The following TM9SF3 variants were observed in gnomAD, a reference collection of about 807,000 sequenced individuals.
TM9SF3 encodes transmembrane 9 superfamily member 3.
Under a neutral mutation model 78.6 loss-of-function variants are expected in TM9SF3, and 14 were observed. The ratio of observed to expected loss-of-function variants is 0.18; its 90% CI spans 0.12 to 0.28. TM9SF3 has a LOEUF of 0.28. Among genes scored for constraint, TM9SF3 ranks in the 10% least tolerant of loss-of-function variants. The pLI is 1.00. For synonymous variants in TM9SF3, 231 were observed against 241.7 expected, an observed-to-expected ratio of 0.96 and a Z score of 0.41; for missense variants, 496 against 721.9, an observed-to-expected ratio of 0.69 and a Z score of 3.59.
intron 2 of TM9SF3, among the ~76,000 whole-genome samples, chr10:96,567,897 T>C (rs1371879322): frequency 2.6e-5 from 4 of 152,264 alleles, no homozygotes; most frequent in Admixed American, 1.3e-4. Flanking sequence ...TATACATGCA[T>C]CTGTGTATGA....
chr10:96,560,263 A>T, intron 4 of TM9SF3: 1 of 787,480 alleles, frequency 1.3e-6, no homozygotes, highest in Non-Finnish European at 2.2e-6. Flanking sequence ...AAAGGCCAAC[A>T]AAGATGATCA....
intron 2 of TM9SF3, among the ~76,000 whole-genome samples, chr10:96,575,443 C>T (rs1848485830): frequency 1.3e-5 from 2 of 148,854 alleles, no homozygotes; most frequent in South Asian, 4.2e-4. Flanking sequence ...ATAATTAAGC[C>T]CCAAAGACTA....
chr10:96,539,115 A>T (rs1426418589), intron 9 of TM9SF3, among the ~76,000 whole-genome samples: 1 of 152,238 alleles, frequency 6.6e-6, no homozygotes, highest in Non-Finnish European at 1.5e-5. Flanking sequence ...GCAAATGGAT[A>T]AATTATGGTA....
chr10:96,530,743 C>T, intron 10 of TM9SF3, 135 bp from the exon 11 acceptor site: 1 of 723,942 alleles, frequency 1.4e-6, no homozygotes, highest in South Asian at 2.3e-5. Flanking sequence ...AAATGAAAAG[C>T]CAAAACCCAA....
At chr10:96,564,284 A>G (rs1487194563) in intron 3 of TM9SF3, among the ~76,000 whole-genome samples, 1 of 152,164 alleles carries the variant, frequency 6.6e-6, no homozygotes, top group Non-Finnish European at 1.5e-5. Context: ...GGAAAACAAT[A>G]GGGAAGAAAC....
intron 9 of TM9SF3, among the ~76,000 whole-genome samples, chr10:96,540,575 T>C (rs571685901): frequency 2.6e-5 from 4 of 151,998 alleles, no homozygotes; most frequent in Non-Finnish European, 5.9e-5. Context: ...GGTTATATTT[T>C]ATTTGATGAA....
At chr10:96,569,365 G>T (rs2134155613) in intron 2 of TM9SF3, among the ~76,000 whole-genome samples, 1 of 152,254 alleles carries the variant, frequency 6.6e-6, no homozygotes, top group African/African-American at 2.4e-5. Context: ...GCTCTTGGTT[G>T]AACTATGCAT....
intron 9 of TM9SF3, among the ~76,000 whole-genome samples, chr10:96,540,619 T>G (rs1848014402): frequency 6.8e-6 from 1 of 146,592 alleles, no homozygotes; most frequent in South Asian, 2.1e-4. Flanking sequence ...GAGCCATTCT[T>G]TTTTTTTTTT....
intron 1 of TM9SF3, 113 bp downstream of exon 1, chr10:96,586,621 G>T: frequency 2.2e-6 from 2 of 899,492 alleles, no homozygotes; most frequent in Non-Finnish European, 2.9e-6. Flanking sequence ...AGGAGTCCTC[G>T]GGCCGCAGTG....
chr10:96,552,876 C>G, intron 6 of TM9SF3, 52 bp downstream of exon 6: 1 of 1,423,428 alleles, frequency 7.0e-7, no homozygotes, highest in Non-Finnish European at 9.2e-7. Flanking sequence ...ACATTTAAAA[C>G]TTAACACTCA....
chr10:96,586,780 AG>A lies in TM9SF3; in HGVS notation c.55del (p.Leu19CysfsTer27). 1 of 1,288,382 alleles carries A rather than the reference AG, an allele frequency of 7.8e-7. No homozygotes were observed. The highest frequency in any genetic ancestry group is 9.8e-7 in the Non-Finnish European group (1 of 1,016,126). The allele number at this position is 1,288,382 out of a possible 1,614,324, so 79.8% of individuals were successfully genotyped here. A position where few individuals can be genotyped will look rare whatever the true frequency, so the allele number is the denominator to read the frequency against. On this transcript the variant is annotated frameshift_variant, in exon 1 of 15. Coordinates refer to ENST00000371142, the MANE Select transcript of TM9SF3 (RefSeq NM_020123.4). LOFTEE classifies it high-confidence loss of function. ...GVAAAAALWL[L>X]LLLLPRTRAD... ...CCGGGTCCGGGGCAGCAGCAGCAGCAGCAGCCACAGCGCGGCGGCCGCCGCC... is the reference window on the plus strand; with the variant it reads ...CCGGGTCCGGGGCAGCAGCAGCAGCACAGCCACAGCGCGGCGGCCGCCGCC...
At chr10:96,532,981 A>T in intron 10 of TM9SF3, 70 bp downstream of exon 10, 1 of 1,544,894 alleles carries the variant, frequency 6.5e-7, no homozygotes, top group Admixed American at 1.9e-5. Context: ...CTAAAGTTAC[A>T]TGTACACAAC....
chr10:96,531,572 A>C (rs543186757), intron 10 of TM9SF3, among the ~76,000 whole-genome samples: 2 of 152,318 alleles, frequency 1.3e-5, no homozygotes, highest in African/African-American at 4.8e-5. Flanking sequence ...AAAACTTAAA[A>C]ATCATTTAAT....
At position 96,521,884 on chromosome 10, in the gene TM9SF3, T is replaced by A. The variant is rs1847779983; in HGVS notation, c.*379A>T. The A allele has an allele frequency of 5.8e-6, 1 of 171,804 alleles. No individual in the cohort carries two copies. The highest frequency in any genetic ancestry group is 1.2e-5 in the Non-Finnish European group (1 of 81,580). The allele number at this position is 171,804 out of a possible 1,614,324, so 10.6% of individuals were successfully genotyped here. Reference sequence around the variant, plus strand: ...TAAGTGCCAGGAAGATTCCTATTCATGTAATTTTAGCATCCAAGTTTCCCT... The same window carrying A: ...TAAGTGCCAGGAAGATTCCTATTCAAGTAATTTTAGCATCCAAGTTTCCCT... On this transcript the variant is annotated 3_prime_UTR_variant, in exon 15 of 15. Coordinates refer to ENST00000371142, the MANE Select transcript of TM9SF3 (RefSeq NM_020123.4).
chr10:96,555,959 T>C (rs947087196), intron 5 of TM9SF3, among the ~76,000 whole-genome samples: 10 of 152,194 alleles, frequency 6.6e-5, no homozygotes, highest in African/African-American at 2.4e-4. Context: ...CTAGTAACTA[T>C]ACTAATTAGA....
At position 96,544,199 on chromosome 10, in the gene TM9SF3, T is replaced by C. The variant is rs369262535; in HGVS notation, c.1062A>G (p.Arg354=). 1 of 1,578,476 alleles carries C rather than the reference T, an allele frequency of 6.3e-7. No individual in the cohort carries two copies. The highest frequency in any genetic ancestry group is 8.6e-7 in the Non-Finnish European group (1 of 1,167,360). Residue 354 remains arginine, a synonymous_variant, in exon 9 of 15, where the codon AGA becomes AGG. Coordinates refer to ENST00000371142, the MANE Select transcript of TM9SF3 (RefSeq NM_020123.4). ...GSLYARQGGR[R]WIKQMFIGAF... ...CCCCAATAAACATCTGCTTTATCCA[T>C]CTCCTTCCTGAAAAGAAAGGAAACT... is the stretch of plus-strand genomic sequence containing the variant.
chr10:96,552,395 G>C (rs1205139719), intron 6 of TM9SF3, among the ~76,000 whole-genome samples: 1 of 152,154 alleles, frequency 6.6e-6, no homozygotes, highest in Non-Finnish European at 1.5e-5. Context: ...GTTACAGTGA[G>C]CTATGATCGC....
intron 2 of TM9SF3, among the ~76,000 whole-genome samples, chr10:96,575,366 G>C (rs1388743641): frequency 6.7e-6 from 1 of 149,102 alleles, no homozygotes; most frequent in Non-Finnish European, 1.5e-5. Flanking sequence ...AGCCTCAAAG[G>C]TATGTTTACA....
chr10:96,546,193 G>C (rs1848097495), intron 8 of TM9SF3, among the ~76,000 whole-genome samples: 1 of 152,106 alleles, frequency 6.6e-6, no homozygotes, highest in Admixed American at 6.5e-5. Context: ...TTGATCCCCT[G>C]GGTTGACTTC....
Sources: gnomAD v4.1 joint callset for allele counts (sites outside exome capture counted in the v4.1 genomes callset) on GRCh38, gnomAD v4.1.1 for gene constraint, MANE v1.5 for transcripts, NCBI Gene and HGNC (gene_info 2026-07-23, HGNC 2026-07-21) for gene names.